The following TNFAIP8 variants were observed in gnomAD, a reference collection of about 807,000 sequenced individuals.
TNFAIP8 encodes tumor necrosis factor alpha-induced protein 8.
In TNFAIP8, 7 loss-of-function variants were observed where a neutral mutation model predicts 13.3. The observed-to-expected ratio is 0.52, with a 90% CI of 0.30 to 0.99. TNFAIP8 has a LOEUF of 0.99. TNFAIP8 is among the 50% of genes least tolerant of loss of function. The pLI, the probability that TNFAIP8 is intolerant of heterozygous loss-of-function variation, is 0.07. For synonymous variants in TNFAIP8, 94 were observed against 87.6 expected (o/e 1.07, Z -0.41); for missense variants, 258 against 236.9 (o/e 1.09, Z -0.58).
chr5:119,372,151 C>A (rs1310287345), intron 1 of TNFAIP8, among the ~76,000 whole-genome samples: 9 of 147,682 alleles, frequency 6.1e-5, no homozygotes, highest in African/African-American at 1.0e-4. Context: ...AAAAAAAAAA[C>A]CCATCTCCAC....
chr5:119,290,685 G>A (rs1334820693), intron 1 of TNFAIP8, among the ~76,000 whole-genome samples: 1 of 152,174 alleles, frequency 6.6e-6, no homozygotes. Flanking sequence ...GAGACTGGCT[G>A]TATGAAGAGG....
intron 1 of TNFAIP8, among the ~76,000 whole-genome samples, chr5:119,301,981 C>A (rs1269680762): frequency 6.6e-6 from 1 of 152,194 alleles, no homozygotes; most frequent in African/African-American, 2.4e-5. Context: ...TCTAGTTTAT[C>A]TTCAGGAATG....
At chr5:119,315,310 CT>C (rs1207675123) in intron 1 of TNFAIP8, among the ~76,000 whole-genome samples, 2 of 152,188 alleles carry the variant, frequency 1.3e-5, no homozygotes, top group African/African-American at 4.8e-5. Flanking sequence ...TCTTGAACCC[CT>C]GACCTCAAAT....
intron 1 of TNFAIP8, among the ~76,000 whole-genome samples, chr5:119,305,737 A>C (rs542516841): frequency 9.8e-4 from 149 of 152,358 alleles, no homozygotes; most frequent in Non-Finnish European, 1.7e-3. Context: ...ACAAATACCC[A>C]AATCATGATA....
At chr5:119,341,131 A>G (rs1433307043) in intron 1 of TNFAIP8, among the ~76,000 whole-genome samples, 1 of 146,288 alleles carries the variant, frequency 6.8e-6, no homozygotes, top group Non-Finnish European at 1.5e-5. Flanking sequence ...GGTGTTGCAC[A>G]CTGTTGTGGT....
intron 1 of TNFAIP8, among the ~76,000 whole-genome samples, chr5:119,366,715 C>T (rs939058399): frequency 6.6e-6 from 1 of 152,108 alleles, no homozygotes; most frequent in African/African-American, 2.4e-5. Flanking sequence ...GGGGGGTTTC[C>T]CTCATTAACA....
At chr5:119,335,981 C>T (rs1750538945) in intron 1 of TNFAIP8, among the ~76,000 whole-genome samples, 1 of 151,746 alleles carries the variant, frequency 6.6e-6, no homozygotes, top group Non-Finnish European at 1.5e-5. Flanking sequence ...GTGAGGAAGC[C>T]AGATGTGGAT....
chr5:119,369,354 C>T (rs1751991990), intron 1 of TNFAIP8, among the ~76,000 whole-genome samples: 1 of 152,130 alleles, frequency 6.6e-6, no homozygotes, highest in Non-Finnish European at 1.5e-5. Context: ...GCACCTGGCC[C>T]AAACTTTCAT....
At chr5:119,390,262 C>T (rs1449335145) in intron 1 of TNFAIP8, among the ~76,000 whole-genome samples, 12 of 151,968 alleles carry the variant, frequency 7.9e-5, no homozygotes, top group Non-Finnish European at 2.9e-5. Context: ...TCCTGGTTAT[C>T]TGCTGAGTAG....
At chr5:119,281,160 A>G (rs1362655248) in intron 1 of TNFAIP8, among the ~76,000 whole-genome samples, 2 of 151,788 alleles carry the variant, frequency 1.3e-5, no homozygotes, top group African/African-American at 4.8e-5. Flanking sequence ...TTCCCAAGAA[A>G]CCCTGGTTAT....
Position 119,313,864 on chromosome 5 carries a change from G to A in TNFAIP8, c.1+44957G>A, listed in dbSNP as rs371055729. 2.8e-4 allele frequency among the ~76,000 whole-genome samples: 43 copies of A among 152,344 alleles called. 1 individual carries two copies. In the South Asian group the frequency reaches 4.1e-3, roughly 15 times the overall value. ...TAGCTTTTGAATTAAGTGCTAAAGT[G>A]TATGCTGCTGACCAATTCATTTATT... On this transcript the variant is annotated intron_variant, in intron 1 of 1. Transcript: ENST00000274456.
intron 1 of TNFAIP8, among the ~76,000 whole-genome samples, chr5:119,276,428 G>GT (rs920497149): frequency 9.2e-5 from 14 of 151,796 alleles, no homozygotes; most frequent in South Asian, 4.2e-4. Flanking sequence ...TGTAAGTTCT[G>GT]TTTTTTTTAT....
intron 1 of TNFAIP8, among the ~76,000 whole-genome samples, chr5:119,343,261 C>T (rs1284803241): frequency 2.0e-5 from 3 of 152,154 alleles, no homozygotes; most frequent in Admixed American, 6.5e-5. Context: ...ATAAGGATGT[C>T]GAAGGAAGTG....
chr5:119,356,358 A>C (rs763603402), intron 1 of TNFAIP8, among the ~76,000 whole-genome samples: 1 of 152,172 alleles, frequency 6.6e-6, no homozygotes. Flanking sequence ...TAGTTCAGCC[A>C]GCCCACTAAG....
intron 1 of TNFAIP8, among the ~76,000 whole-genome samples, chr5:119,279,686 G>A (rs1285683759): frequency 1.3e-5 from 2 of 152,150 alleles, no homozygotes; most frequent in African/African-American, 4.8e-5. Flanking sequence ...GCTTCAAGCA[G>A]TTCTCTCGCC....
intron 1 of TNFAIP8, among the ~76,000 whole-genome samples, chr5:119,300,782 C>T (rs904957110): frequency 2.0e-5 from 3 of 152,130 alleles, no homozygotes; most frequent in African/African-American, 7.2e-5. Context: ...TGCATTGGAA[C>T]ATATTTTTCA....
intron 1 of TNFAIP8, among the ~76,000 whole-genome samples, chr5:119,326,432 A>G (rs1275311985): frequency 6.6e-6 from 1 of 152,148 alleles, no homozygotes; most frequent in Non-Finnish European, 1.5e-5. Context: ...GGGCTGAGGA[A>G]AGCAGGTGAG....
intron 1 of TNFAIP8, among the ~76,000 whole-genome samples, chr5:119,347,881 C>T (rs1257072454): frequency 1.3e-5 from 2 of 152,156 alleles, no homozygotes; most frequent in South Asian, 2.1e-4. Flanking sequence ...ATAGATTCTA[C>T]CCATGTCAGA....
chr5:119,301,408 T>TA (rs921283174), intron 1 of TNFAIP8, among the ~76,000 whole-genome samples: 15 of 151,522 alleles, frequency 9.9e-5, no homozygotes, highest in African/African-American at 2.7e-4. Flanking sequence ...AAGCCCCAAA[T>TA]AAAAAAAAAT....
Sources: allele counts gnomAD v4.1 joint callset (sites outside exome capture counted in the v4.1 genomes callset), GRCh38; gene constraint gnomAD v4.1.1; transcripts MANE v1.5; gene names NCBI Gene and HGNC (gene_info 2026-07-23, HGNC 2026-07-21).